The following FSTL4 variants were observed in gnomAD, a reference collection of about 807,000 sequenced individuals.
FSTL4 encodes the protein follistatin like 4.
In FSTL4, 28 loss-of-function variants were observed where a neutral mutation model predicts 78.2. That is an observed-to-expected ratio of 0.36 (90% CI 0.27 to 0.49). FSTL4 has a LOEUF of 0.49. Among genes scored for constraint, FSTL4 ranks in the 20% least tolerant of loss-of-function variants. FSTL4 has a pLI of 0.98. For missense variants in FSTL4, 922 were observed against 1,084.9 expected (o/e 0.85, Z 2.11); for synonymous variants, 422 against 440.5 (o/e 0.96, Z 0.53).
At chr5:133,211,909 T>G (rs1466983439) in intron 13 of FSTL4, among the ~76,000 whole-genome samples, 1 of 152,202 alleles carries the variant, frequency 6.6e-6, no homozygotes, top group Non-Finnish European at 1.5e-5. Flanking sequence ...CCTGCTGAAA[T>G]ATATCTCTTC....
At chr5:133,455,973 ATACTTC>A (rs1466550613) in intron 3 of FSTL4, among the ~76,000 whole-genome samples, 1 of 152,242 alleles carries the variant, frequency 6.6e-6, no homozygotes, top group Non-Finnish European at 1.5e-5. Flanking sequence ...CAGTCGCCGA[ATACTTC>A]TAGGTTCCCA....
At chr5:133,781,684 A>G in the FSTL4 span, among the ~76,000 whole-genome samples, 2 of 152,236 alleles carry the variant, frequency 1.3e-5, no homozygotes, top group African/African-American at 2.4e-5. Flanking sequence ...ACCCTGCTCA[A>G]CAATCTGGCT....
At chr5:133,714,069 G>A in the FSTL4 span, among the ~76,000 whole-genome samples, 1 of 152,170 alleles carries the variant, frequency 6.6e-6, no homozygotes, top group Non-Finnish European at 1.5e-5. Flanking sequence ...CACAGAAGAG[G>A]TGAGAAACTA....
chr5:133,709,739 A>G, the FSTL4 span, among the ~76,000 whole-genome samples: 1 of 152,224 alleles, frequency 6.6e-6, no homozygotes, highest in Admixed American at 6.5e-5. Context: ...TCCACTGTAA[A>G]TATTAATAGT....
the FSTL4 span, among the ~76,000 whole-genome samples, chr5:133,779,144 C>T: frequency 6.6e-6 from 1 of 152,150 alleles, no homozygotes; most frequent in South Asian, 2.1e-4. Flanking sequence ...TCTACCAATC[C>T]TCCAGAACAA....
At chr5:133,798,110 C>A in the FSTL4 span, among the ~76,000 whole-genome samples, 1 of 152,232 alleles carries the variant, frequency 6.6e-6, no homozygotes, top group Non-Finnish European at 1.5e-5. Flanking sequence ...CTATGTGGCC[C>A]TCCACTCATC....
intron 4 of FSTL4, among the ~76,000 whole-genome samples, chr5:133,389,762 T>A (rs1203615623): frequency 6.6e-6 from 1 of 152,232 alleles, no homozygotes; most frequent in Non-Finnish European, 1.5e-5. Context: ...GACCTGGGTC[T>A]GTACAAGCTC....
intron 6 of FSTL4, among the ~76,000 whole-genome samples, chr5:133,264,230 T>C (rs760987471): frequency 3.9e-5 from 6 of 152,164 alleles, no homozygotes; most frequent in Non-Finnish European, 8.8e-5. Flanking sequence ...TGCTATATAT[T>C]AATAACCACA....
chr5:133,473,597 T>A (rs943859417), intron 3 of FSTL4, among the ~76,000 whole-genome samples: 1 of 152,070 alleles, frequency 6.6e-6, no homozygotes, highest in Non-Finnish European at 1.5e-5. Context: ...AATAGAGGAG[T>A]CTTCCACATT....
At chr5:133,322,091 G>A (rs971497161) in intron 4 of FSTL4, among the ~76,000 whole-genome samples, 2 of 152,140 alleles carry the variant, frequency 1.3e-5, no homozygotes, top group African/African-American at 4.8e-5. Context: ...GAATTTCAGG[G>A]AAGCCCCCTC....
At chr5:133,406,223 C>T (rs1177245601) in intron 3 of FSTL4, among the ~76,000 whole-genome samples, 1 of 152,170 alleles carries the variant, frequency 6.6e-6, no homozygotes, top group African/African-American at 2.4e-5. Flanking sequence ...AGTGGAGCAC[C>T]CTTGGGTGCC....
chr5:133,601,880 T>A (rs1760877443), intron 2 of FSTL4, among the ~76,000 whole-genome samples: 1 of 151,658 alleles, frequency 6.6e-6, no homozygotes, highest in Non-Finnish European at 1.5e-5. Context: ...GACAGGGTTT[T>A]GCTATGTTGC....
At chr5:133,617,393 C>G (rs1223035082), upstream of FSTL4, among the ~76,000 whole-genome samples, 1 of 151,944 alleles carries the variant, frequency 6.6e-6, no homozygotes. Context: ...GACTCAAGAC[C>G]TGGGGCTCTG....
At chr5:133,242,632 C>T (rs373890978) in intron 7 of FSTL4, among the ~76,000 whole-genome samples, 1 of 152,174 alleles carries the variant, frequency 6.6e-6, no homozygotes, top group East Asian at 1.9e-4. Flanking sequence ...AGTCACCCCA[C>T]AGGTTCCACA....
chr5:133,802,313 G>A, the FSTL4 span, among the ~76,000 whole-genome samples: 1 of 152,222 alleles, frequency 6.6e-6, no homozygotes, highest in Non-Finnish European at 1.5e-5. Flanking sequence ...AAAGAGGAGA[G>A]AGAGGGAATG....
the FSTL4 span, among the ~76,000 whole-genome samples, chr5:133,768,596 A>G: frequency 3.3e-5 from 5 of 152,326 alleles, no homozygotes; most frequent in East Asian, 7.7e-4. Flanking sequence ...ACCAAAAAAC[A>G]TCACCTGCCA....
intron 4 of FSTL4, among the ~76,000 whole-genome samples, chr5:133,331,292 C>T (rs1004842352): frequency 6.6e-6 from 1 of 152,182 alleles, no homozygotes; most frequent in Non-Finnish European, 1.5e-5. Flanking sequence ...ACAGGCCTGG[C>T]AGCTCATGGT....
At chr5:133,494,273 T>C (rs971171408) in intron 3 of FSTL4, among the ~76,000 whole-genome samples, 6 of 151,854 alleles carry the variant, frequency 4.0e-5, no homozygotes, top group African/African-American at 1.2e-4. Flanking sequence ...GGACTTCATG[T>C]GTGATGGTTT....
the FSTL4 span, among the ~76,000 whole-genome samples, chr5:133,666,133 C>A: frequency 6.6e-6 from 1 of 151,946 alleles, no homozygotes; most frequent in African/African-American, 2.4e-5. Context: ...TAAGACCCAG[C>A]AGAATCTCAT....
Sources: gnomAD v4.1 joint callset for allele counts (sites outside exome capture counted in the v4.1 genomes callset) on GRCh38, gnomAD v4.1.1 for gene constraint, MANE v1.5 for transcripts, NCBI Gene and HGNC (gene_info 2026-07-23, HGNC 2026-07-21) for gene names.